The following RGS6 variants were observed in gnomAD, a reference collection of about 807,000 sequenced individuals.
RGS6 encodes the protein regulator of G-protein signaling 6.
RGS6 carries 30 observed loss-of-function variants against 78.5 expected under a neutral mutation model. The ratio of observed to expected loss-of-function variants is 0.38; its 90% CI spans 0.29 to 0.52. The LOEUF is 0.52. Among genes scored for constraint, RGS6 ranks in the 20% least tolerant of loss-of-function variants. The pLI, the probability that RGS6 is intolerant of heterozygous loss-of-function variation, is 0.85. For missense variants in RGS6, 495 were observed against 609.7 expected, an observed-to-expected ratio of 0.81 and a Z score of 1.98; for synonymous variants, 206 against 206.0, an observed-to-expected ratio of 1.00 and a Z score of 0.00.
At chr14:72,048,076 T>C (rs1042336614) in intron 2 of RGS6, among the ~76,000 whole-genome samples, 1 of 152,058 alleles carries the variant, frequency 6.6e-6, no homozygotes, top group Admixed American at 6.5e-5. Flanking sequence ...AAACCAGAAA[T>C]TTCCCAGGCA....
At chr14:72,317,797 C>T (rs371944826) in intron 2 of RGS6, among the ~76,000 whole-genome samples, 46 of 152,080 alleles carry the variant, frequency 3.0e-4, no homozygotes, top group Middle Eastern at 3.4e-3. Context: ...TCAGGGTTCT[C>T]TAGAGGGACA....
chr14:72,282,410 C>G (rs1309189291), intron 2 of RGS6, among the ~76,000 whole-genome samples: 1 of 152,150 alleles, frequency 6.6e-6, no homozygotes, highest in Non-Finnish European at 1.5e-5. Context: ...TAAGAAATCC[C>G]TTAATATCTG....
chr14:72,406,300 C>A (rs1378487581), intron 3 of RGS6, among the ~76,000 whole-genome samples: 1 of 152,102 alleles, frequency 6.6e-6, no homozygotes, highest in East Asian at 1.9e-4. Context: ...AGGAGAATTG[C>A]TTGAACCCGG....
intron 2 of RGS6, among the ~76,000 whole-genome samples, chr14:72,337,059 T>C (rs1285825540): frequency 6.6e-6 from 1 of 152,164 alleles, no homozygotes. Flanking sequence ...AATGTCTCGA[T>C]TTGGAGTGGG....
At chr14:72,195,592 C>T (rs1053311086) in intron 2 of RGS6, among the ~76,000 whole-genome samples, 3 of 152,166 alleles carry the variant, frequency 2.0e-5, no homozygotes, top group Non-Finnish European at 2.9e-5. Context: ...AAATGAGGCG[C>T]TTGAACGAAG....
chr14:72,246,081 T>G (rs1418797126), intron 2 of RGS6, among the ~76,000 whole-genome samples: 2 of 152,228 alleles, frequency 1.3e-5, no homozygotes, highest in African/African-American at 2.4e-5. Flanking sequence ...TAGTATGTCT[T>G]GAACCTTATC....
intron 13 of RGS6, among the ~76,000 whole-genome samples, chr14:72,503,427 A>G (rs1475693279): frequency 6.6e-6 from 1 of 152,180 alleles, no homozygotes; most frequent in Non-Finnish European, 1.5e-5. Flanking sequence ...TCTGAATATC[A>G]TCTAAATCAG....
downstream of RGS6, among the ~76,000 whole-genome samples, chr14:72,567,567 C>G (rs2097715034): frequency 6.6e-6 from 1 of 152,220 alleles, no homozygotes; most frequent in African/African-American, 2.4e-5. Context: ...TGAGAGCCAT[C>G]CTGACAGCTG....
At chr14:72,430,814 A>G (rs940781431) in intron 3 of RGS6, among the ~76,000 whole-genome samples, 86 of 152,112 alleles carry the variant, frequency 5.7e-4, no homozygotes, top group African/African-American at 2.0e-3. Flanking sequence ...CTGATCACCC[A>G]TGGGCATGCT....
intron 17 of RGS6, chr14:72,547,134 A>T: frequency 6.5e-7 from 1 of 1,531,452 alleles, no homozygotes; most frequent in Non-Finnish European, 8.7e-7. Context: ...CACTCAGAAG[A>T]CAGGATGCCC....
intron 17 of RGS6, among the ~76,000 whole-genome samples, chr14:72,543,645 T>G (rs2097354798): frequency 6.6e-6 from 1 of 152,202 alleles, no homozygotes; most frequent in Non-Finnish European, 1.5e-5. Context: ...TCCTGTTGCT[T>G]GGTGATGTCT....
At chr14:72,277,074 A>G (rs971892036) in intron 2 of RGS6, among the ~76,000 whole-genome samples, 4 of 152,230 alleles carry the variant, frequency 2.6e-5, no homozygotes, top group African/African-American at 9.6e-5. Flanking sequence ...AATTGAATGC[A>G]TGAATGAACA....
chr14:72,505,771 C>T (rs549904857), intron 13 of RGS6, among the ~76,000 whole-genome samples: 5 of 152,296 alleles, frequency 3.3e-5, no homozygotes, highest in African/African-American at 1.2e-4. Flanking sequence ...GTCAGCCTCC[C>T]TGGCTTATAT....
intron 2 of RGS6, among the ~76,000 whole-genome samples, chr14:71,970,217 G>A (rs934526059): frequency 6.6e-6 from 1 of 152,182 alleles, no homozygotes; most frequent in Non-Finnish European, 1.5e-5. Flanking sequence ...TAGTGTCATA[G>A]ATGAAATAGG....
At chr14:72,411,271 G>A (rs891433974) in intron 3 of RGS6, among the ~76,000 whole-genome samples, 1 of 152,148 alleles carries the variant, frequency 6.6e-6, no homozygotes, top group Non-Finnish European at 1.5e-5. Flanking sequence ...AGTTCTCCTT[G>A]AAGAGGTCAT....
At chr14:72,526,099 C>G (rs1396885347) in intron 15 of RGS6, among the ~76,000 whole-genome samples, 1 of 151,260 alleles carries the variant, frequency 6.6e-6, no homozygotes, top group Non-Finnish European at 1.5e-5. Context: ...AATGAAAATA[C>G]TTTTCTTCTT....
At chr14:71,888,430 A>AG in the RGS6 span, among the ~76,000 whole-genome samples, 7 of 151,490 alleles carry the variant, frequency 4.6e-5, no homozygotes, top group South Asian at 6.2e-4. Context: ...AAAAAAAAAA[A>AG]AAAGAAGAAG....
chr14:72,470,109 T>G (rs540718458), intron 8 of RGS6, 26 bp downstream of exon 8: 1 of 1,542,330 alleles, frequency 6.5e-7, no homozygotes, highest in African/African-American at 1.4e-5. Context: ...AGAGACCTTT[T>G]CAGAGAGGAA....
At chr14:72,485,798 G>A (rs1485338789) in intron 12 of RGS6, among the ~76,000 whole-genome samples, 1 of 152,214 alleles carries the variant, frequency 6.6e-6, no homozygotes, top group East Asian at 1.9e-4. Flanking sequence ...AGGGCCTTCA[G>A]TGCCTCCAAG....
Sources: gnomAD v4.1 joint callset for allele counts (sites outside exome capture counted in the v4.1 genomes callset) on GRCh38, gnomAD v4.1.1 for gene constraint, MANE v1.5 for transcripts, NCBI Gene and HGNC (gene_info 2026-07-23, HGNC 2026-07-21) for gene names.